The following NAPG variants were observed in gnomAD, a reference collection of about 807,000 sequenced individuals.
NAPG encodes gamma-soluble NSF attachment protein.
In NAPG, 25 loss-of-function variants were observed where a neutral mutation model predicts 48.4. That is an observed-to-expected ratio of 0.52 (90% CI 0.38 to 0.72). The LOEUF (loss-of-function observed/expected upper bound fraction) is 0.72, where lower values mean the gene tolerates loss of function less well. Ranked by LOEUF, NAPG falls within the 30% of genes least tolerant of loss-of-function variation. The pLI is 0.00. For synonymous variants in NAPG, 139 were observed against 127.2 expected, an observed-to-expected ratio of 1.09 and a Z score of -0.62; for missense variants, 359 against 372.5, an observed-to-expected ratio of 0.96 and a Z score of 0.30.
chr18:10,533,036 T>C, intron 3 of NAPG: 1 of 401,452 alleles, frequency 2.5e-6, no homozygotes, highest in Non-Finnish European at 4.4e-6. Flanking sequence ...TTTTACTTGA[T>C]GATGGTTTTA....
rs1350009271 is a variant in NAPG at position 10,544,083 on chromosome 18, C to T, written c.507-2243C>T. On this transcript the variant is annotated intron_variant, in intron 8 of 11. Transcript: ENST00000322897. The surrounding 1 kb of genome is among the most constrained non-coding windows in gnomAD (Gnocchi z 5.1). ...CTAATAGAATGATATAATCTAGACA[C>T]GACGGGCACAGAATATTCTGACCAT... 1.3e-5 allele frequency among the ~76,000 whole-genome samples: 2 copies of T among 152,172 alleles called. No individual in the cohort carries two copies. The highest frequency in any genetic ancestry group is 2.1e-4 in the South Asian group (1 of 4,830).
intron 5 of NAPG, among the ~76,000 whole-genome samples, chr18:10,535,015 C>G (rs2032003454): frequency 6.6e-6 from 1 of 152,198 alleles, no homozygotes; most frequent in Non-Finnish European, 1.5e-5. Context: ...AAAAGCAGGC[C>G]AGGAATTAAT....
At chr18:10,536,557 C>CT (rs1281540561) in intron 5 of NAPG, among the ~76,000 whole-genome samples, 1 of 152,192 alleles carries the variant, frequency 6.6e-6, no homozygotes, top group Non-Finnish European at 1.5e-5. Flanking sequence ...GAGGGTATAA[C>CT]TTTCAAGTAG....
At chr18:10,529,547 A>G (rs2031886346) in intron 1 of NAPG, among the ~76,000 whole-genome samples, 1 of 152,166 alleles carries the variant, frequency 6.6e-6, no homozygotes, top group Non-Finnish European at 1.5e-5. Context: ...TGAGGCCAGG[A>G]GTTCGAGACC....
At position 10,542,072 on chromosome 18, in the gene NAPG, A is replaced by G. The variant is rs1465930297; in HGVS notation, c.506+1673A>G. Reference sequence around the variant, plus strand: ...GGTTTGGACACATCTGATGAAAGCCATTGTTTTAAAGCAATTACTGTGTTA... The same window carrying G: ...GGTTTGGACACATCTGATGAAAGCCGTTGTTTTAAAGCAATTACTGTGTTA... On this transcript the variant is annotated intron_variant, in intron 8 of 11. Coordinates refer to ENST00000322897, the MANE Select transcript of NAPG (RefSeq NM_003826.3). The surrounding 1 kb of genome is among the most constrained non-coding windows in gnomAD (Gnocchi z 4.5). Among the ~76,000 whole-genome samples the G allele has an allele frequency of 6.6e-6, 1 of 152,210 alleles. No individual in the cohort carries two copies. Among genetic ancestry groups the G allele is most frequent in the Non-Finnish European group, 1.5e-5 (1 of 68,044 alleles).
At position 10,548,711 on chromosome 18, in the gene NAPG, T is replaced by A. The variant is rs926518191; in HGVS notation, c.666-256T>A. Among the ~76,000 whole-genome samples, 45 of 152,094 alleles carry A rather than the reference T, an allele frequency of 3.0e-4. 1 individual carries two copies. The highest frequency in any genetic ancestry group is 6.5e-5 in the Admixed American group (1 of 15,268). On this transcript the variant is annotated intron_variant, in intron 10 of 11. Coordinates refer to ENST00000322897, the MANE Select transcript of NAPG (RefSeq NM_003826.3). The surrounding 1 kb of genome is among the most constrained non-coding windows in gnomAD (Gnocchi z 4.4). ...ATCAAAATGAGGAATTTTCTCGGTGTTTAACATGAGCAGTCTTAATCTCAA... is the reference window on the plus strand; with the variant it reads ...ATCAAAATGAGGAATTTTCTCGGTGATTAACATGAGCAGTCTTAATCTCAA...
rs1198025565 is a variant in NAPG at position 10,552,396 on chromosome 18, C to A, written c.*2176C>A. On this transcript the variant is annotated 3_prime_UTR_variant, in exon 12 of 12. Coordinates refer to ENST00000322897, the MANE Select transcript of NAPG (RefSeq NM_003826.3). ...TATTTGTTTCACATTTATACATTTT[C>A]TTTTTCCACTCACGTAAGTTTCTAT... 3 of 152,176 alleles carry A rather than the reference C, an allele frequency of 2.0e-5. No homozygotes were observed. Among genetic ancestry groups the A allele is most frequent in the African/African-American group, 7.2e-5 (3 of 41,450 alleles). The allele number at this position is 152,176 out of a possible 1,614,324, so 9.4% of individuals were successfully genotyped here. A position where few individuals can be genotyped will look rare whatever the true frequency, so the allele number is the denominator to read the frequency against.
chr18:10,536,003 C>T (rs2143108575), intron 5 of NAPG, among the ~76,000 whole-genome samples: 2 of 152,286 alleles, frequency 1.3e-5, no homozygotes, highest in South Asian at 4.1e-4. Context: ...AATTAGGAAG[C>T]TCCCAGGTGG....
At chr18:10,528,386 G>A (rs2031863167) in intron 1 of NAPG, among the ~76,000 whole-genome samples, 1 of 152,114 alleles carries the variant, frequency 6.6e-6, no homozygotes, top group African/African-American at 2.4e-5. Flanking sequence ...GTTAACAGAG[G>A]ACTAAAAATA....
chr18:10,545,956 G>A (rs2032255640), intron 8 of NAPG, among the ~76,000 whole-genome samples: 1 of 152,188 alleles, frequency 6.6e-6, no homozygotes, highest in African/African-American at 2.4e-5. Context: ...GTGTCTGGAT[G>A]TTCTTTCAGT....
intron 5 of NAPG, among the ~76,000 whole-genome samples, chr18:10,537,710 G>A (rs1366012628): frequency 6.6e-6 from 1 of 151,960 alleles, no homozygotes; most frequent in African/African-American, 2.4e-5. Context: ...TTGTAGACTC[G>A]GATTCTTTCA....
Position 10,532,060 on chromosome 18 carries a change from C to G in NAPG, c.125-651C>G, listed in dbSNP as rs977517361. The stretch of plus-strand genomic sequence containing the variant: ...TGCTTTTTGCTTCTTTGTAAGCAAC[C>G]CTTGATAAGTTTTCCAAAATTTGTA... On this transcript the variant is annotated intron_variant, in intron 2 of 11. Coordinates refer to ENST00000322897, the MANE Select transcript of NAPG (RefSeq NM_003826.3). Among the ~76,000 whole-genome samples the G allele has an allele frequency of 3.3e-5, 5 of 151,290 alleles. No homozygotes were observed. In the South Asian group the frequency reaches 8.3e-4, roughly 25 times the overall value.
rs956039626 is a variant in NAPG, at chr18:10,546,337, C to T, written c.518C>T (p.Ala173Val). 7.6e-6 allele frequency: 12 copies of T among 1,579,190 alleles called. No homozygotes were observed. Among genetic ancestry groups the T allele is most frequent in the Non-Finnish European group, 1.0e-5 (12 of 1,158,622 alleles). The change falls in exon 9 of 12, where the codon GCG becomes GTG. Residue 173 changes from alanine (A) to valine (V), a missense_variant. Transcript: ENST00000322897. The surrounding 1 kb of genome is among the most constrained non-coding windows in gnomAD (Gnocchi z 4.0). ...LLVRGRRFDE[A>V]ALSIQKEKNI... ...GTGTTTTGTTTTAGGTTTGATGAGG[C>T]GGCACTCTCTATTCAGAAAGAAAAA...
At chr18:10,526,239 C>CCAGTCCCCCGGGGGGGGGGG in intron 1 of NAPG, 81 bp downstream of exon 1, 1 of 349,042 alleles carries the variant, frequency 2.9e-6, no homozygotes. Flanking sequence ...CCGGGGGGGG[C>CCAGTCCCCCGGGGGGGGGGG]GGGAGGGAGG....
chr18:10,548,885 C>T lies in NAPG; in HGVS notation c.666-82C>T. ...ACCAAAATGTCTCCAGACAGTGTCACATGCCAGGGGCAGAATCATCCCTGC... is the reference window on the plus strand; with the variant it reads ...ACCAAAATGTCTCCAGACAGTGTCATATGCCAGGGGCAGAATCATCCCTGC... On this transcript the variant is annotated intron_variant, in intron 10 of 11. Coordinates refer to ENST00000322897, the MANE Select transcript of NAPG (RefSeq NM_003826.3). This position sits in a 1 kb window ranked among gnomAD's most constrained non-coding sequence, Gnocchi z 4.4. The T allele has an allele frequency of 6.6e-7, 1 of 1,518,556 alleles. No homozygotes were observed. The highest frequency in any genetic ancestry group is 1.2e-5 in the South Asian group (1 of 80,250). 94.1% of individuals were successfully genotyped at this position (1,518,556 alleles called of 1,614,324 possible).
intron 5 of NAPG, among the ~76,000 whole-genome samples, chr18:10,536,631 A>G (rs551586): frequency 0.39 from 59,387 of 152,030 alleles, 12,021 homozygotes; most frequent in African/African-American, 0.5. Context: ...TCACAGCCTC[A>G]CTTGATTTTA....
intron 1 of NAPG, among the ~76,000 whole-genome samples, chr18:10,528,084 G>T (rs2031857309): frequency 6.6e-6 from 1 of 152,202 alleles, no homozygotes; most frequent in South Asian, 2.1e-4. Flanking sequence ...TGCTCAGGAG[G>T]CTGAGGCAGG....
intron 1 of NAPG, 56 bp from the exon 2 acceptor site, chr18:10,530,714 A>G: frequency 8.8e-7 from 1 of 1,136,560 alleles, no homozygotes; most frequent in Non-Finnish European, 1.2e-6. Flanking sequence ...ACAAGCAGAG[A>G]TCTGACTTAT....
At chr18:10,533,577 G>T in intron 4 of NAPG, 24 bp downstream of exon 4, 2 of 1,580,034 alleles carry the variant, frequency 1.3e-6, no homozygotes, top group South Asian at 1.2e-5. Flanking sequence ...ATGTTTTCAT[G>T]TATTTGCAAA....
Sources: gnomAD v4.1 joint callset for allele counts (sites outside exome capture counted in the v4.1 genomes callset) on GRCh38, gnomAD v4.1.1 for gene constraint, Gnocchi (gnomAD v3.1) non-coding constraint, MANE v1.5 for transcripts, NCBI Gene and HGNC (gene_info 2026-07-23, HGNC 2026-07-21) for gene names.